GALNT11: variants seen among roughly 807,000 people sequenced by gnomAD.
The protein encoded by GALNT11 is UDP-GalNAc:polypeptide N-acetylgalactosaminyltransferase 11.
Under a neutral mutation model 72.7 loss-of-function variants are expected in GALNT11, and 47 were observed. That is an observed-to-expected ratio of 0.65 (90% CI 0.51 to 0.82). GALNT11 has a LOEUF of 0.82. GALNT11 is among the 40% of genes least tolerant of loss of function. The pLI is 0.00. For missense variants in GALNT11, 677 were observed against 778.4 expected, an observed-to-expected ratio of 0.87 and a Z score of 1.55; for synonymous variants, 270 against 286.6, an observed-to-expected ratio of 0.94 and a Z score of 0.58.
In GALNT11 at chr7:152,031,254, G is replaced by A. The variant is rs146220796; in HGVS notation, c.-39+5370G>A. On this transcript the variant is annotated intron_variant, in intron 1 of 11. Coordinates refer to ENST00000430044, the MANE Select transcript of GALNT11 (RefSeq NM_022087.4). Reference sequence around the variant, plus strand: ...ATTCTCCACAAATGAACTTCTGTTGGTATATAGATTAAGGTCAGGATTAGC... The same window carrying A: ...ATTCTCCACAAATGAACTTCTGTTGATATATAGATTAAGGTCAGGATTAGC... 9.2e-5 allele frequency among the ~76,000 whole-genome samples: 14 copies of A among 152,298 alleles called. No homozygotes were observed. In the East Asian group the frequency reaches 2.7e-3, roughly 29 times the overall value.
At chr7:152,082,768 A>G (rs1215784632) in intron 1 of GALNT11, among the ~76,000 whole-genome samples, 4 of 152,228 alleles carry the variant, frequency 2.6e-5, no homozygotes, top group Non-Finnish European at 5.9e-5. Context: ...TGGTTTTTAC[A>G]CATGTATGAA....
chr7:152,076,166 A>AAAAAGC (rs902775165), intron 1 of GALNT11, among the ~76,000 whole-genome samples: 2 of 151,502 alleles, frequency 1.3e-5, no homozygotes, highest in African/African-American at 4.8e-5. Context: ...TGCTTTTCAG[A>AAAAAGC]AAAAGCAGTG....
At chr7:152,043,716 C>T (rs757119946) in intron 1 of GALNT11, among the ~76,000 whole-genome samples, 1 of 152,066 alleles carries the variant, frequency 6.6e-6, no homozygotes, top group Non-Finnish European at 1.5e-5. Flanking sequence ...GAGGGTCAGG[C>T]TACTCTTTTT....
rs992684499 is a variant in GALNT11 at position 152,122,324 on chromosome 7, A to C, written c.*647A>C. On this transcript the variant is annotated 3_prime_UTR_variant, in exon 12 of 12. Coordinates refer to ENST00000430044, the MANE Select transcript of GALNT11 (RefSeq NM_022087.4). ...GAATTATGATACAATCTACATAATA[A>C]AGAATCCTTTTGATTATTTAGGATA... 3 of 152,222 alleles carry C rather than the reference A, an allele frequency of 2.0e-5. No individual in the cohort carries two copies. Among genetic ancestry groups the C allele is most frequent in the Non-Finnish European group, 4.4e-5 (3 of 68,034 alleles). The allele number at this position is 152,222 out of a possible 1,614,324, so 9.4% of individuals were successfully genotyped here. A position where few individuals can be genotyped will look rare whatever the true frequency, so the allele number is the denominator to read the frequency against.
intron 8 of GALNT11, among the ~76,000 whole-genome samples, chr7:152,116,152 G>T (rs2088826113): frequency 6.6e-6 from 1 of 152,206 alleles, no homozygotes; most frequent in South Asian, 2.1e-4. Context: ...GTACAATCCA[G>T]TGGAGTAGTA....
intron 1 of GALNT11, among the ~76,000 whole-genome samples, chr7:152,034,632 A>G (rs991699800): frequency 1.3e-5 from 2 of 152,094 alleles, no homozygotes; most frequent in Non-Finnish European, 2.9e-5. Context: ...AAGAACCCAC[A>G]ATGGTCCCTG....
intron 2 of GALNT11, among the ~76,000 whole-genome samples, chr7:152,099,342 TTTTATTTATTTA>T (rs143805862): frequency 0.036 from 5,133 of 143,612 alleles, 305 homozygotes; most frequent in African/African-American, 0.12. Context: ...AAAAATGGAC[TTTTATTTATTTA>T]TTTATTTATT....
chr7:152,069,916 ATAT>A (rs2084527173), intron 1 of GALNT11, among the ~76,000 whole-genome samples: 3 of 151,982 alleles, frequency 2.0e-5, no homozygotes, highest in Admixed American at 2.0e-4. Flanking sequence ...GTGATTATTA[ATAT>A]TGTTGGATTA....
intron 1 of GALNT11, among the ~76,000 whole-genome samples, chr7:152,068,024 C>T (rs561340359): frequency 3.4e-4 from 52 of 152,244 alleles, no homozygotes; most frequent in African/African-American, 1.3e-3. Context: ...GTCAGCAAGT[C>T]AGCAGCAAGC....
intron 1 of GALNT11, among the ~76,000 whole-genome samples, chr7:152,035,085 C>G (rs2082497180): frequency 6.6e-6 from 1 of 152,130 alleles, no homozygotes; most frequent in African/African-American, 2.4e-5. Context: ...TTTGTCCGCA[C>G]TTATATGAAT....
chr7:152,049,192 G>T (rs911888050), intron 1 of GALNT11, among the ~76,000 whole-genome samples: 1 of 152,016 alleles, frequency 6.6e-6, no homozygotes, highest in African/African-American at 2.4e-5. Flanking sequence ...GATGTTTGTT[G>T]GTTCCTAGGC....
chr7:152,032,263 G>A (rs868252048), intron 1 of GALNT11, among the ~76,000 whole-genome samples: 2 of 151,972 alleles, frequency 1.3e-5, no homozygotes, highest in Non-Finnish European at 2.9e-5. Flanking sequence ...GGGGCAAGAC[G>A]GTCCATATAA....
intron 1 of GALNT11, among the ~76,000 whole-genome samples, chr7:152,085,760 G>A (rs529214720): frequency 5.3e-5 from 8 of 152,186 alleles, no homozygotes; most frequent in African/African-American, 1.9e-4. Context: ...TCTTGCCCAG[G>A]TTGGAGTGCA....
chr7:152,077,080 C>G (rs2085026952), intron 1 of GALNT11, among the ~76,000 whole-genome samples: 1 of 152,100 alleles, frequency 6.6e-6, no homozygotes, highest in African/African-American at 2.4e-5. Flanking sequence ...GACAGTGAGA[C>G]CTTGTCTCAA....
chr7:152,063,271 T>A (rs1311551436), intron 1 of GALNT11, among the ~76,000 whole-genome samples: 1 of 152,236 alleles, frequency 6.6e-6, no homozygotes, highest in Non-Finnish European at 1.5e-5. Context: ...TATAGTATTC[T>A]CTGATGGTAG....
chr7:152,046,830 T>A (rs2152021409), intron 1 of GALNT11, among the ~76,000 whole-genome samples: 1 of 152,316 alleles, frequency 6.6e-6, no homozygotes, highest in East Asian at 1.9e-4. Context: ...GCTGCCTTTT[T>A]ATTATTTGTT....
chr7:152,037,168 C>T (rs1474490681), intron 1 of GALNT11, among the ~76,000 whole-genome samples: 7 of 152,116 alleles, frequency 4.6e-5, no homozygotes, highest in African/African-American at 1.7e-4. Flanking sequence ...AGATTTTCTC[C>T]AGTGTTTTCT....
At chr7:152,061,902 A>G (rs1226226288) in intron 1 of GALNT11, among the ~76,000 whole-genome samples, 1 of 152,148 alleles carries the variant, frequency 6.6e-6, no homozygotes, top group East Asian at 1.9e-4. Flanking sequence ...TTGAAGTCAG[A>G]TAGCATGATG....
intron 1 of GALNT11, among the ~76,000 whole-genome samples, chr7:152,035,877 A>G (rs887751969): frequency 1.3e-5 from 2 of 152,188 alleles, no homozygotes; most frequent in Admixed American, 6.5e-5. Flanking sequence ...ACAGTCCTCT[A>G]TAAGCAGGAA....
Sources: allele counts gnomAD v4.1 joint callset (sites outside exome capture counted in the v4.1 genomes callset), GRCh38; gene constraint gnomAD v4.1.1; transcripts MANE v1.5; gene names NCBI Gene and HGNC (gene_info 2026-07-23, HGNC 2026-07-21).